The following GPC5 variants were observed in gnomAD, a reference collection of about 807,000 sequenced individuals.
The protein encoded by GPC5 is glypican 5.
Under a neutral mutation model 53.9 loss-of-function variants are expected in GPC5, and 47 were observed. That is an observed-to-expected ratio of 0.87 (90% CI 0.69 to 1.11). The LOEUF (loss-of-function observed/expected upper bound fraction) is 1.11. Among genes scored for constraint, GPC5 ranks in the 50% most tolerant of loss-of-function variants. GPC5 has a pLI of 0.00. For synonymous variants in GPC5, 286 were observed against 263.3 expected, an observed-to-expected ratio of 1.09 and a Z score of -0.84; for missense variants, 748 against 713.1, an observed-to-expected ratio of 1.05 and a Z score of -0.56.
intron 7 of GPC5, among the ~76,000 whole-genome samples, chr13:92,493,518 A>C (rs1879845918): frequency 6.6e-6 from 1 of 152,180 alleles, no homozygotes; most frequent in Non-Finnish European, 1.5e-5. Flanking sequence ...TAACTGCAGT[A>C]GTAGGTTTTG....
intron 1 of GPC5, among the ~76,000 whole-genome samples, chr13:91,430,421 A>G (rs1019227456): frequency 3.9e-5 from 6 of 152,202 alleles, no homozygotes; most frequent in Admixed American, 3.9e-4. Flanking sequence ...CTCTTAAGCC[A>G]ATAAAGTCAA....
intron 5 of GPC5, among the ~76,000 whole-genome samples, chr13:91,824,124 T>TA (rs1473550797): frequency 6.6e-6 from 1 of 152,202 alleles, no homozygotes; most frequent in Admixed American, 6.6e-5. Flanking sequence ...TAAGACTGTA[T>TA]AAATCTATTT....
chr13:92,129,480 G>A (rs2041726266), intron 6 of GPC5, among the ~76,000 whole-genome samples: 1 of 152,194 alleles, frequency 6.6e-6, no homozygotes, highest in African/African-American at 2.4e-5. Context: ...GATATGTGAA[G>A]TGGCAACAAT....
At chr13:91,465,429 T>G (rs1247596085) in intron 2 of GPC5, among the ~76,000 whole-genome samples, 1 of 152,210 alleles carries the variant, frequency 6.6e-6, no homozygotes, top group Admixed American at 6.5e-5. Context: ...TGTAGCCTTC[T>G]GTGTCTGGCT....
At chr13:92,370,162 G>T (rs552553551) in intron 7 of GPC5, among the ~76,000 whole-genome samples, 5 of 152,262 alleles carry the variant, frequency 3.3e-5, no homozygotes, top group Admixed American at 1.3e-4. Context: ...AGGAATATCT[G>T]CAAGGTCAAT....
At position 92,533,549 on chromosome 13, in the gene GPC5, A is replaced by G. The variant is rs188337543; in HGVS notation, c.1562-332733A>G. On this transcript the variant is annotated intron_variant, in intron 7 of 7. Transcript: ENST00000377067. ...ATTAAATATAAGCATGTTTTTTTAC[A>G]TAAGAGTGAGTTTTGGTACCTAAAA... Among the ~76,000 whole-genome samples the G allele has an allele frequency of 9.9e-3, 1,514 of 152,270 alleles. 9 individuals are homozygous for G. The highest frequency in any genetic ancestry group is 0.016 in the Non-Finnish European group (1,096 of 68,030).
At chr13:92,001,226 G>A (rs1331786721) in intron 6 of GPC5, among the ~76,000 whole-genome samples, 3 of 152,174 alleles carry the variant, frequency 2.0e-5, no homozygotes, top group Non-Finnish European at 4.4e-5. Context: ...AATACACACA[G>A]GTGAGTTATT....
chr13:91,422,429 T>C (rs1794234096), intron 1 of GPC5, among the ~76,000 whole-genome samples: 1 of 151,888 alleles, frequency 6.6e-6, no homozygotes, highest in African/African-American at 2.4e-5. Context: ...TGAGGTCAGG[T>C]GGTTGAGACT....
intron 6 of GPC5, among the ~76,000 whole-genome samples, chr13:92,135,957 C>A (rs886469394): frequency 6.6e-6 from 1 of 152,164 alleles, no homozygotes. Context: ...TTTATGTACA[C>A]GGTATTTCTA....
chr13:92,569,340 A>T (rs1882955083), intron 7 of GPC5, among the ~76,000 whole-genome samples: 2 of 152,024 alleles, frequency 1.3e-5, no homozygotes. Context: ...TTAGGCTTAA[A>T]GAGGCTAAGT....
At chr13:92,168,802 T>C (rs1432168434) in intron 7 of GPC5, among the ~76,000 whole-genome samples, 2 of 152,152 alleles carry the variant, frequency 1.3e-5, no homozygotes, top group African/African-American at 4.8e-5. Context: ...GAGCCAGAAA[T>C]ACCATTTGGC....
chr13:92,398,260 T>C (rs898648693), intron 7 of GPC5, among the ~76,000 whole-genome samples: 1 of 150,600 alleles, frequency 6.6e-6, no homozygotes, highest in Non-Finnish European at 1.5e-5. Context: ...AAACCCCGTC[T>C]CTACTAAAAA....
intron 7 of GPC5, among the ~76,000 whole-genome samples, chr13:92,399,119 A>C (rs1212947984): frequency 6.6e-6 from 1 of 152,210 alleles, no homozygotes; most frequent in Non-Finnish European, 1.5e-5. Context: ...AATATGCTTC[A>C]TGATTTGGTC....
chr13:91,463,917 T>G (rs538686778), intron 2 of GPC5, among the ~76,000 whole-genome samples: 55 of 152,150 alleles, frequency 3.6e-4, no homozygotes, highest in African/African-American at 1.3e-3. Flanking sequence ...TTGGGCCTTG[T>G]GAAAATTACA....
At chr13:92,303,272 G>T (rs1338109727) in intron 7 of GPC5, among the ~76,000 whole-genome samples, 1 of 152,230 alleles carries the variant, frequency 6.6e-6, no homozygotes. Flanking sequence ...CAGAGTCTCC[G>T]TGGTGGTCTA....
At chr13:92,221,602 G>A (rs1444526104) in intron 7 of GPC5, among the ~76,000 whole-genome samples, 3 of 152,098 alleles carry the variant, frequency 2.0e-5, no homozygotes, top group Non-Finnish European at 4.4e-5. Context: ...GGCATTTGGT[G>A]GGGATCTGGA....
At chr13:92,840,074 C>CATACATATATATATATATATAT (rs1878372491) in intron 7 of GPC5, among the ~76,000 whole-genome samples, 5 of 72,122 alleles carry the variant, frequency 6.9e-5, no homozygotes, top group African/African-American at 2.7e-4. Flanking sequence ...TTCATATATA[C>CATACATATATATATATATATAT]ATACATATAT....
chr13:91,817,842 A>G (rs2038423957), intron 5 of GPC5, among the ~76,000 whole-genome samples: 2 of 152,140 alleles, frequency 1.3e-5, no homozygotes, highest in African/African-American at 2.4e-5. Flanking sequence ...CTTTTCGTAC[A>G]TATTTTTCAT....
At chr13:92,337,205 A>ACC (rs2043330659) in intron 7 of GPC5, among the ~76,000 whole-genome samples, 2 of 148,418 alleles carry the variant, frequency 1.3e-5, no homozygotes, top group African/African-American at 5.1e-5. Context: ...CCCCACCCAA[A>ACC]AAAAAAAAAG....
Sources: allele counts gnomAD v4.1 joint callset (sites outside exome capture counted in the v4.1 genomes callset), GRCh38; gene constraint gnomAD v4.1.1; transcripts MANE v1.5; gene names NCBI Gene and HGNC (gene_info 2026-07-23, HGNC 2026-07-21).